The following SFPQ variants were observed in gnomAD, a reference collection of about 807,000 sequenced individuals.
The protein encoded by SFPQ is splicing factor, proline- and glutamine-rich.
SFPQ carries 11 observed loss-of-function variants against 72.9 expected under a neutral mutation model. The ratio of observed to expected loss-of-function variants is 0.15; its 90% confidence interval spans 0.09 to 0.25. SFPQ has a LOEUF of 0.25. SFPQ is among the 10% of genes least tolerant of loss of function. The pLI is 1.00. For synonymous variants in SFPQ, 506 were observed against 367.3 expected (o/e 1.38, Z -4.32); for missense variants, 847 against 993.3 (o/e 0.85, Z 1.98).
intron 5 of SFPQ, among the ~76,000 whole-genome samples, chr1:35,176,880 A>C (rs1639266331): frequency 6.6e-6 from 1 of 151,678 alleles, no homozygotes; most frequent in Non-Finnish European, 1.5e-5. Flanking sequence ...TCTCAAAAAA[A>C]AAAAAAAAAA....
intron 7 of SFPQ, 41 bp downstream of exon 7, chr1:35,187,932 T>C (rs757428658): frequency 1.6e-6 from 2 of 1,272,592 alleles, no homozygotes; most frequent in African/African-American, 2.9e-5. Flanking sequence ...CTGCAAGTTC[T>C]ATAGACAACT....
chr1:35,179,211 T>A (rs1227477251), downstream of SFPQ: 2 of 1,061,242 alleles, frequency 1.9e-6, no homozygotes, highest in Non-Finnish European at 2.3e-6. Context: ...GGACTGTGGA[T>A]CATGTCACTG....
At chr1:35,190,665 A>C (rs751481489) in intron 3 of SFPQ, 29 bp downstream of exon 3, 3 of 1,610,280 alleles carry the variant, frequency 1.9e-6, no homozygotes, top group Non-Finnish European at 1.7e-6. Context: ...AAGTTGATAG[A>C]AATTATTAGA....
intron 5 of SFPQ, chr1:35,176,519 T>A (rs1639243175): frequency 6.6e-6 from 1 of 151,994 alleles, no homozygotes; most frequent in South Asian, 2.1e-4. Context: ...AGAATCAGAG[T>A]TACCAAATTC....
chr1:35,185,720 C>T (rs997251933), intron 9 of SFPQ, among the ~76,000 whole-genome samples: 3 of 152,146 alleles, frequency 2.0e-5, no homozygotes, highest in Non-Finnish European at 4.4e-5. Flanking sequence ...AGCTACTCAA[C>T]ATGACTAAAC....
chr1:35,181,491 ACTT>A (rs1639464179), downstream of SFPQ: 4 of 1,063,516 alleles, frequency 3.8e-6, no homozygotes, highest in African/African-American at 1.6e-5. Context: ...GGTTTGTAGT[ACTT>A]CTTATGAGTT....
chr1:35,183,996 C>T lies in SFPQ; in HGVS notation c.*460G>A. 1 of 1,056,414 alleles carries T rather than the reference C, an allele frequency of 9.5e-7. No individual in the cohort carries two copies. Among genetic ancestry groups the T allele is most frequent in the East Asian group, 5.3e-5 (1 of 18,744 alleles). 65.4% of individuals were successfully genotyped at this position (1,056,414 alleles called of 1,614,324 possible). A position where few individuals can be genotyped will look rare whatever the true frequency, so the allele number is the denominator to read the frequency against. On this transcript the variant is annotated 3_prime_UTR_variant, in exon 10 of 10. Transcript: ENST00000357214. ...ATTATTTGTAGAAAGCAATACTTAG[C>T]CTCCAGATGCATTTCCCAGAAATGG...
At chr1:35,181,963 TA>T (rs1403826855), downstream of SFPQ, 10 of 985,290 alleles carry the variant, frequency 1.0e-5, no homozygotes, top group Non-Finnish European at 1.2e-5. Flanking sequence ...TTAGCAACTC[TA>T]CAGTCCACAG....
downstream of SFPQ, chr1:35,178,459 T>A (rs1353656145): frequency 9.4e-7 from 1 of 1,064,296 alleles, no homozygotes; most frequent in Non-Finnish European, 1.1e-6. Context: ...TCAGGCAGGC[T>A]GACCACCTTC....
Position 35,192,769 on chromosome 1 carries a change from T to TGCGGCTGTGGATGCGGCG in SFPQ, c.263_280dup (p.Pro88_Pro93dup). 4 of 1,501,102 alleles carry TGCGGCTGTGGATGCGGCG rather than the reference T, an allele frequency of 2.7e-6. No individual in the cohort carries two copies. The highest frequency in any genetic ancestry group is 1.4e-5 in the African/African-American group (1 of 69,282). 93.0% of individuals were successfully genotyped at this position (1,501,102 alleles called of 1,614,324 possible). On this transcript the variant is annotated inframe_insertion, in exon 1 of 10. Transcript: ENST00000357214. ...CGGTGGCGGCGGCTGCTGCTGCTGATGCGGCTGTGGATGCGGCGGCGGCTG... is the reference window on the plus strand; with the variant it reads ...CGGTGGCGGCGGCTGCTGCTGCTGATGCGGCTGTGGATGCGGCGGCGGCTGTGGATGCGGCGGCGGCTG...
chr1:35,187,599 C>T (rs1639782829), intron 7 of SFPQ, among the ~76,000 whole-genome samples: 1 of 152,046 alleles, frequency 6.6e-6, no homozygotes, highest in South Asian at 2.1e-4. Context: ...AGCCTGATGG[C>T]AGGCACTTGT....
downstream of SFPQ, chr1:35,178,058 T>C (rs1372775152): frequency 1.6e-6 from 2 of 1,280,970 alleles, no homozygotes; most frequent in Non-Finnish European, 2.0e-6. Context: ...TAAGAAAAAG[T>C]TAATATAAAA....
In SFPQ at chr1:35,192,934, C is replaced by A; in HGVS notation, c.116G>T (p.Gly39Val). 1 of 1,587,420 alleles carries A rather than the reference C, an allele frequency of 6.3e-7. No individual in the cohort carries two copies. The highest frequency in any genetic ancestry group is 8.5e-7 in the Non-Finnish European group (1 of 1,174,836). Residue 39 changes from glycine (G) to valine (V), a missense_variant, in exon 1 of 10, where the codon GGC (glycine) becomes GTC (valine). Transcript: ENST00000357214. Reference sequence around the variant, plus strand: ...CATGGGGCCGCGATTCTGATTGAGGCCCATGCCGGGCGGCGGAGAACGGAA... The same window carrying A: ...CATGGGGCCGCGATTCTGATTGAGGACCATGCCGGGCGGCGGAGAACGGAA... ...HDFRSPPPGMGLNQNRGPMGP... is the reference protein window; with the variant it reads ...HDFRSPPPGMVLNQNRGPMGP...
downstream of SFPQ, chr1:35,178,393 T>C (rs570731057): frequency 3.8e-6 from 4 of 1,064,762 alleles, no homozygotes; most frequent in African/African-American, 6.6e-5. Context: ...TAACATCAGC[T>C]CTTTTTTCAT....
chr1:35,184,261 G>GA lies in SFPQ; in HGVS notation c.*194dup, dbSNP rs1040360248. 275 of 1,342,646 alleles carry GA rather than the reference G, an allele frequency of 2.0e-4. No individual in the cohort carries two copies. Among genetic ancestry groups the GA allele is most frequent in the East Asian group, 1.2e-3 (39 of 32,012 alleles). The allele number at this position is 1,342,646 out of a possible 1,614,324, so 83.2% of individuals were successfully genotyped here. ...AAAGAAAAAATAAAGAAATAAAAAG[G>GA]AAAAAAAAATTCTCCTGTTCCAAAC... On this transcript the variant is annotated 3_prime_UTR_variant, in exon 10 of 10. Transcript: ENST00000357214.
In SFPQ at chr1:35,190,628, C is replaced by A. The variant is rs984291649; in HGVS notation, c.1320-35G>T. The A allele has an allele frequency of 1.9e-6, 3 of 1,607,524 alleles. No homozygotes were observed. In the South Asian group the frequency reaches 3.3e-5, roughly 18 times the overall value. On this transcript the variant is annotated intron_variant, in intron 3 of 9. Coordinates refer to ENST00000357214, the MANE Select transcript of SFPQ (RefSeq NM_005066.3). ...AAAATGGTTCCATCTTAGCTTTGTT[C>A]CAGTTTTATTGCCACCATTCTCATA... is the stretch of plus-strand genomic sequence containing the variant.
downstream of SFPQ, chr1:35,182,773 T>C: frequency 1.0e-6 from 1 of 985,436 alleles, no homozygotes; most frequent in Non-Finnish European, 1.2e-6. Context: ...TCAATTACTT[T>C]ACCTACTGTT....
At chr1:35,180,201 C>T (rs1639409097), downstream of SFPQ, 1 of 1,051,770 alleles carries the variant, frequency 9.5e-7, no homozygotes, top group Non-Finnish European at 1.1e-6. Flanking sequence ...AAACATTATA[C>T]ATGAAAACTG....
At chr1:35,177,943 C>A, downstream of SFPQ, 2 of 935,432 alleles carry the variant, frequency 2.1e-6, no homozygotes, top group Non-Finnish European at 2.8e-6. Flanking sequence ...TTATTTAAAT[C>A]AAACTCAAAA....
Sources: allele counts gnomAD v4.1 joint callset (sites outside exome capture counted in the v4.1 genomes callset), GRCh38; gene constraint gnomAD v4.1.1; transcripts MANE v1.5; gene names NCBI Gene and HGNC (gene_info 2026-07-23, HGNC 2026-07-21).